Variants in ARK2C observed in about 807,000 individuals in gnomAD.
The protein encoded by ARK2C is arkadia (RNF111) C-terminal like ring finger ubiquitin ligase 2C, also known as E3 ubiquitin-protein ligase ARK2C.
At chr18:46,355,488 G>A in the ARK2C span, among the ~76,000 whole-genome samples, 1 of 152,138 alleles carries the variant, frequency 6.6e-6, no homozygotes, top group East Asian at 1.9e-4. Context: ...AAGGACAGAA[G>A]TGCCCCAGTC....
At chr18:46,419,040 T>C in the ARK2C span, among the ~76,000 whole-genome samples, 1 of 152,242 alleles carries the variant, frequency 6.6e-6, no homozygotes, top group Non-Finnish European at 1.5e-5. Context: ...TTTTTGGCTC[T>C]AGTGGGAACG....
chr18:46,393,815 G>A, the ARK2C span, among the ~76,000 whole-genome samples: 19 of 152,366 alleles, frequency 1.2e-4, no homozygotes, highest in African/African-American at 4.6e-4. Flanking sequence ...CGCTGGTCTT[G>A]CTCTGCTGGG....
At chr18:46,348,201 G>A in the ARK2C span, among the ~76,000 whole-genome samples, 1 of 151,498 alleles carries the variant, frequency 6.6e-6, no homozygotes, top group African/African-American at 2.4e-5. Context: ...AGGAAGGGGT[G>A]GGGTGAGGGC....
At chr18:46,414,628 C>A in the ARK2C span, among the ~76,000 whole-genome samples, 1 of 152,226 alleles carries the variant, frequency 6.6e-6, no homozygotes, top group South Asian at 2.1e-4. Context: ...CATGCTTATA[C>A]ATTCATGATC....
At chr18:46,344,802 G>T in the ARK2C span, among the ~76,000 whole-genome samples, 3 of 152,248 alleles carry the variant, frequency 2.0e-5, no homozygotes, top group South Asian at 2.1e-4. Context: ...TGGCCCAGAG[G>T]TGTGTGTGTC....
chr18:46,383,701 G>C, the ARK2C span, among the ~76,000 whole-genome samples: 142 of 152,130 alleles, frequency 9.3e-4, no homozygotes, highest in African/African-American at 2.8e-3. Flanking sequence ...ACTACAGGCA[G>C]CCACCACCGC....
chr18:46,355,286 C>T, the ARK2C span, among the ~76,000 whole-genome samples: 1 of 152,068 alleles, frequency 6.6e-6, no homozygotes, highest in Non-Finnish European at 1.5e-5. Context: ...TGGCAGCTCA[C>T]ACCCAAGAAC....
At chr18:46,360,710 T>C in the ARK2C span, among the ~76,000 whole-genome samples, 126 of 152,298 alleles carry the variant, frequency 8.3e-4, 3 homozygotes, top group South Asian at 0.025. Flanking sequence ...GCCCCTGGCC[T>C]GCCTTCACCA....
At chr18:46,365,382 G>A in the ARK2C span, among the ~76,000 whole-genome samples, 2 of 151,318 alleles carry the variant, frequency 1.3e-5, no homozygotes, top group African/African-American at 4.8e-5. Flanking sequence ...CTCTGGAAGA[G>A]CCTTTTCTCC....
At chr18:46,389,244 G>A in the ARK2C span, among the ~76,000 whole-genome samples, 1 of 152,186 alleles carries the variant, frequency 6.6e-6, no homozygotes, top group Non-Finnish European at 1.5e-5. Flanking sequence ...CGAGCATTTA[G>A]GAAAGGTTTC....
the ARK2C span, among the ~76,000 whole-genome samples, chr18:46,398,742 A>G: frequency 6.6e-6 from 1 of 151,990 alleles, no homozygotes; most frequent in Non-Finnish European, 1.5e-5. Flanking sequence ...CACCTGTGAC[A>G]GGAGGGGCCA....
chr18:46,417,967 G>A, the ARK2C span, among the ~76,000 whole-genome samples: 1 of 151,784 alleles, frequency 6.6e-6, no homozygotes, highest in Non-Finnish European at 1.5e-5. Flanking sequence ...TCACACCACT[G>A]CACTCCAGCC....
the ARK2C span, among the ~76,000 whole-genome samples, chr18:46,404,213 C>A: frequency 6.6e-6 from 1 of 152,154 alleles, no homozygotes; most frequent in Non-Finnish European, 1.5e-5. Flanking sequence ...TAGGGTCACA[C>A]CTGCGAGTTC....
the ARK2C span, among the ~76,000 whole-genome samples, chr18:46,384,950 G>T: frequency 2.6e-5 from 4 of 152,208 alleles, no homozygotes; most frequent in African/African-American, 9.6e-5. Flanking sequence ...CACACACACA[G>T]CTGGTTCAGC....
the ARK2C span, among the ~76,000 whole-genome samples, chr18:46,396,256 CA>C: frequency 9.2e-5 from 14 of 152,206 alleles, no homozygotes; most frequent in African/African-American, 3.4e-4. Context: ...AGTCACATCA[CA>C]AGGGAGCAGA....
the ARK2C span, among the ~76,000 whole-genome samples, chr18:46,376,922 C>A: frequency 6.6e-6 from 1 of 152,150 alleles, no homozygotes; most frequent in Non-Finnish European, 1.5e-5. Flanking sequence ...CCCGCCTCGG[C>A]ATCTCAAAGT....
the ARK2C span, chr18:46,447,837 C>G: frequency 8.7e-6 from 8 of 923,240 alleles, no homozygotes; most frequent in Middle Eastern, 2.9e-4. Context: ...CATGACCCAG[C>G]TCACCTGTGT....
the ARK2C span, among the ~76,000 whole-genome samples, chr18:46,358,080 AC>A: frequency 6.6e-6 from 1 of 151,936 alleles, no homozygotes; most frequent in Admixed American, 6.6e-5. Flanking sequence ...ATCTTCAAAG[AC>A]CCTGTTTCCA....
chr18:46,433,551 T>C, the ARK2C span: 4 of 1,519,246 alleles, frequency 2.6e-6, no homozygotes, highest in East Asian at 2.3e-5. Flanking sequence ...TGGGGTCGGG[T>C]GAGGGGGCAG....
Sources: gnomAD v4.1 joint callset for allele counts (sites outside exome capture counted in the v4.1 genomes callset) on GRCh38, gnomAD v4.1.1 for gene constraint, MANE v1.5 for transcripts, NCBI Gene and HGNC (gene_info 2026-07-23, HGNC 2026-07-21) for gene names.